MPLKIP: variants seen among roughly 807,000 people sequenced by gnomAD.
MPLKIP encodes M-phase specific PLK1 interacting protein, also known as M-phase-specific PLK1-interacting protein.
In MPLKIP, 16 loss-of-function variants were observed where a neutral mutation model predicts 16.9. The observed-to-expected ratio is 0.94, with a 90% CI of 0.64 to 1.43. MPLKIP has a LOEUF of 1.43. MPLKIP is among the 40% of genes most tolerant of loss of function. The pLI is 0.00. For synonymous variants in MPLKIP, 126 were observed against 98.4 expected, an observed-to-expected ratio of 1.28 and a Z score of -1.66; for missense variants, 282 against 237.6, an observed-to-expected ratio of 1.19 and a Z score of -1.23.
rs1444716857 is a variant in MPLKIP, at chr7:40,134,425, G to A, written c.143C>T (p.Pro48Leu). The A allele has an allele frequency of 1.3e-6, 2 of 1,565,238 alleles. No individual in the cohort carries two copies. The highest frequency in any genetic ancestry group is 2.4e-5 in the East Asian group (1 of 42,156). Residue 48 changes from proline (P) to leucine (L), a missense_variant, in exon 1 of 2, where the codon CCG becomes CTG. Transcript: ENST00000306984. ...PPSPRDGYGS[P>L]HHTPPYGPRS... is the part of the protein sequence containing the mutation. ...GGGCCCGTACGGCGGCGTGTGGTGC[G>A]GACTCCCGTACCCGTCTCGAGGGGA...
chr7:40,131,792 T>C lies in MPLKIP; in HGVS notation c.*1267A>G, dbSNP rs2150559490. The C allele has an allele frequency of 6.6e-6, 1 of 152,342 alleles. No homozygotes were observed. Among genetic ancestry groups the C allele is most frequent in the East Asian group, 1.9e-4 (1 of 5,176 alleles). The allele number at this position is 152,342 out of a possible 1,614,324, so 9.4% of individuals were successfully genotyped here. ...GGCGGACGTTGCAGTGAGCCAAGAT[T>C]GCGCCACTGCACTCCAGCGTGGGCA... On this transcript the variant is annotated 3_prime_UTR_variant, in exon 2 of 2. Coordinates refer to ENST00000306984, the MANE Select transcript of MPLKIP (RefSeq NM_138701.4).
intron 1 of MPLKIP, 124 bp downstream of exon 1, chr7:40,134,105 C>T: frequency 8.8e-7 from 1 of 1,136,554 alleles, no homozygotes; most frequent in South Asian, 1.4e-5. Flanking sequence ...GTTCGCTCAT[C>T]TGCAAAATTG....
In MPLKIP at chr7:40,133,026, A is replaced by C; in HGVS notation, c.*33T>G. On this transcript the variant is annotated 3_prime_UTR_variant, in exon 2 of 2. Coordinates refer to ENST00000306984, the MANE Select transcript of MPLKIP (RefSeq NM_138701.4). ...TAAAGTTTTGTCCAAGATGTTCCTG[A>C]CACATGAAGCTTCCAGTTGAATTTC... The C allele has an allele frequency of 2.5e-6, 4 of 1,587,446 alleles. No individual in the cohort carries two copies. The highest frequency in any genetic ancestry group is 3.5e-6 in the Non-Finnish European group (4 of 1,156,804).
chr7:40,133,393 G>A (rs1787502357), intron 1 of MPLKIP, 134 bp from the exon 2 acceptor site: 1 of 756,354 alleles, frequency 1.3e-6, no homozygotes, highest in Non-Finnish European at 2.3e-6. Context: ...CAATTACAAA[G>A]TCCATGCTTC....
Position 40,132,972 on chromosome 7 carries a change from T to G in MPLKIP, c.*87A>C. 1 of 1,167,164 alleles carries G rather than the reference T, an allele frequency of 8.6e-7. No homozygotes were observed. The highest frequency in any genetic ancestry group is 1.3e-6 in the Non-Finnish European group (1 of 792,330). The allele number at this position is 1,167,164 out of a possible 1,614,324, so 72.3% of individuals were successfully genotyped here. A position where few individuals can be genotyped will look rare whatever the true frequency, so the allele number is the denominator to read the frequency against. On this transcript the variant is annotated 3_prime_UTR_variant, in exon 2 of 2. Coordinates refer to ENST00000306984, the MANE Select transcript of MPLKIP (RefSeq NM_138701.4). Reference sequence around the variant, plus strand: ...ACTAATTATCCAATCAAAGTCATCATCTTTGGGTAAATTTATATCAACACA... The same window carrying G: ...ACTAATTATCCAATCAAAGTCATCAGCTTTGGGTAAATTTATATCAACACA...
Position 40,126,805 on chromosome 7 carries a change from C to CT in MPLKIP, c.*6253dup, listed in dbSNP as rs948645114. On this transcript the variant is annotated 3_prime_UTR_variant, in exon 2 of 2. Transcript: ENST00000306984. ...ACCCTAATTAAATAAAGCCGATTTT[C>CT]TTTTTTTTTTTTTTATTTTGAGACA... The CT allele has an allele frequency of 2.6e-3, 357 of 137,088 alleles. No homozygotes were observed. Among genetic ancestry groups the CT allele is most frequent in the Middle Eastern group, 0.012 (3 of 252 alleles). 8.5% of individuals were successfully genotyped at this position (137,088 alleles called of 1,614,324 possible). A position where few individuals can be genotyped will look rare whatever the true frequency, so the allele number is the denominator to read the frequency against.
Position 40,131,125 on chromosome 7 carries a change from G to C in MPLKIP, c.*1934C>G, listed in dbSNP as rs983259384. 6.6e-6 allele frequency: 1 copy of C among 152,080 alleles called. No individual in the cohort carries two copies. Among genetic ancestry groups the C allele is most frequent in the African/African-American group, 2.4e-5 (1 of 41,390 alleles). 9.4% of individuals were successfully genotyped at this position (152,080 alleles called of 1,614,324 possible). Reference sequence around the variant, plus strand: ...TCATCTTACACATGAGAAAATTGAGGCATAGAGAAGTGAACTCATCCAGCT... The same window carrying C: ...TCATCTTACACATGAGAAAATTGAGCCATAGAGAAGTGAACTCATCCAGCT... On this transcript the variant is annotated 3_prime_UTR_variant, in exon 2 of 2. Coordinates refer to ENST00000306984, the MANE Select transcript of MPLKIP (RefSeq NM_138701.4).
Position 40,134,296 on chromosome 7 carries a change from G to C in MPLKIP, c.272C>G (p.Ser91Cys). ...CTGCTGGGACCCCGCGGGGGACCTGGAGTAGGAGCCAGGGTAGCCGCCAGG... is the reference window on the plus strand; with the variant it reads ...CTGCTGGGACCCCGCGGGGGACCTGCAGTAGGAGCCAGGGTAGCCGCCAGG... The part of the protein sequence containing the change: ...PSPGGYPGSY[S>C]RSPAGSQQQF... Residue 91 changes from serine to cysteine, a missense_variant, in exon 1 of 2, where the codon TCC (serine) becomes TGC (cysteine). Coordinates refer to ENST00000306984, the MANE Select transcript of MPLKIP (RefSeq NM_138701.4). 6.4e-7 allele frequency: 1 copy of C among 1,559,036 alleles called. No individual in the cohort carries two copies. The highest frequency in any genetic ancestry group is 8.7e-7 in the Non-Finnish European group (1 of 1,151,554).
rs1562781273 is a variant in MPLKIP, at chr7:40,132,807, A to G, written c.*252T>C. On this transcript the variant is annotated 3_prime_UTR_variant, in exon 2 of 2. Transcript: ENST00000306984. The stretch of plus-strand genomic sequence containing the variant: ...ATTAAAAGACAAATGTCCATTATGT[A>G]ACCAGGAATGTTAAATATATGGAAA... The G allele has an allele frequency of 2.0e-6, 1 of 505,618 alleles. No homozygotes were observed. Among genetic ancestry groups the G allele is most frequent in the South Asian group, 2.1e-5 (1 of 47,170 alleles). The allele number at this position is 505,618 out of a possible 1,614,324, so 31.3% of individuals were successfully genotyped here. A position where few individuals can be genotyped will look rare whatever the true frequency, so the allele number is the denominator to read the frequency against.
intron 1 of MPLKIP, 112 bp downstream of exon 1, chr7:40,134,117 G>T: frequency 7.8e-7 from 1 of 1,280,928 alleles, no homozygotes; most frequent in Non-Finnish European, 1.1e-6. Context: ...GCAAAATTGG[G>T]CTAACAATAG....
In MPLKIP at chr7:40,134,275, T is replaced by C; in HGVS notation, c.293A>G (p.Gln98Arg). Reference sequence around the variant, plus strand: ...CCCTGGGGAGTAGCCGAATTGCTGCTGGGACCCCGCGGGGGACCTGGAGTA... The same window carrying C: ...CCCTGGGGAGTAGCCGAATTGCTGCCGGGACCCCGCGGGGGACCTGGAGTA... ...GSYSRSPAGS[Q>R]QQFGYSPGQQ... Residue 98 changes from glutamine (Q) to arginine (R), a missense_variant, in exon 1 of 2, where the codon CAG (glutamine) becomes CGG (arginine). By Grantham distance (43) the Gln-to-Arg change is conservative. Transcript: ENST00000306984. The C allele has an allele frequency of 5.8e-6, 9 of 1,561,460 alleles. No individual in the cohort carries two copies. Among genetic ancestry groups the C allele is most frequent in the Non-Finnish European group, 7.8e-6 (9 of 1,152,688 alleles).
Position 40,133,020 on chromosome 7 carries a change from T to C in MPLKIP, c.*39A>G. 1 of 1,573,752 alleles carries C rather than the reference T, an allele frequency of 6.4e-7. No individual in the cohort carries two copies. The highest frequency in any genetic ancestry group is 8.7e-7 in the Non-Finnish European group (1 of 1,144,888). On this transcript the variant is annotated 3_prime_UTR_variant, in exon 2 of 2. Coordinates refer to ENST00000306984, the MANE Select transcript of MPLKIP (RefSeq NM_138701.4). ...ACAACTTAAAGTTTTGTCCAAGATG[T>C]TCCTGACACATGAAGCTTCCAGTTG...
rs1432857594 is a variant in MPLKIP at position 40,128,111 on chromosome 7, A to G, written c.*4948T>C. 6.7e-6 allele frequency: 1 copy of G among 148,748 alleles called. No homozygotes were observed. Among genetic ancestry groups the G allele is most frequent in the Non-Finnish European group, 1.5e-5 (1 of 66,994 alleles). The allele number at this position is 148,748 out of a possible 1,614,324, so 9.2% of individuals were successfully genotyped here. A position where few individuals can be genotyped will look rare whatever the true frequency, so the allele number is the denominator to read the frequency against. ...TCAGGTGTACTGATGACTACTATGT[A>G]TTTTTTTTTTTCAGACTAGTCAAGT... On this transcript the variant is annotated 3_prime_UTR_variant, in exon 2 of 2. Transcript: ENST00000306984.
At position 40,126,676 on chromosome 7, in the gene MPLKIP, C is replaced by G. The variant is rs964303320; in HGVS notation, c.*6383G>C. 1 of 152,214 alleles carries G rather than the reference C, an allele frequency of 6.6e-6. No homozygotes were observed. Among genetic ancestry groups the G allele is most frequent in the African/African-American group, 2.4e-5 (1 of 41,436 alleles). 9.4% of individuals were successfully genotyped at this position (152,214 alleles called of 1,614,324 possible). ...ACTCCTGACCTCATGATCTGCCCGC[C>G]TCGGCCTCCCAAAGTGCTGGGATTA... On this transcript the variant is annotated 3_prime_UTR_variant, in exon 2 of 2. Coordinates refer to ENST00000306984, the MANE Select transcript of MPLKIP (RefSeq NM_138701.4).
rs1016727988 is a variant in MPLKIP at position 40,134,361 on chromosome 7, G to A, written c.207C>T (p.His69=). Residue 69 remains histidine, a synonymous_variant, in exon 1 of 2, where the codon CAC becomes CAT. Transcript: ENST00000306984. ...RPYGSSHSPR[H]GGSFPGGRFG... ...ACCGGCCCCCCGGGAAGCTGCCGCC[G>A]TGTCGCGGAGAGTGACTGCTCCCGT... is the stretch of plus-strand genomic sequence containing the variant. 3.2e-6 allele frequency: 5 copies of A among 1,554,200 alleles called. No individual in the cohort carries two copies. The Middle Eastern group carries it at 5.2e-4, about 163-fold the overall frequency.
At position 40,132,799 on chromosome 7, in the gene MPLKIP, C is replaced by T; in HGVS notation, c.*260G>A. ...GAAAAAACATTAAAAGACAAATGTCCATTATGTAACCAGGAATGTTAAATA... is the reference window on the plus strand; with the variant it reads ...GAAAAAACATTAAAAGACAAATGTCTATTATGTAACCAGGAATGTTAAATA... On this transcript the variant is annotated 3_prime_UTR_variant, in exon 2 of 2. Transcript: ENST00000306984. 3 of 476,876 alleles carry T rather than the reference C, an allele frequency of 6.3e-6. No homozygotes were observed. The highest frequency in any genetic ancestry group is 1.1e-5 in the Non-Finnish European group (3 of 263,528). 29.5% of individuals were successfully genotyped at this position (476,876 alleles called of 1,614,324 possible).
In MPLKIP at chr7:40,132,308, TGA is replaced by T. The variant is rs1425857560; in HGVS notation, c.*749_*750del. ...TTGTCTTCTCTTGGATTGATGGAGA[TGA>T]GAGATGTTCTTTTTGCAATGGAAGT... On this transcript the variant is annotated 3_prime_UTR_variant, in exon 2 of 2. Transcript: ENST00000306984. 5 of 152,236 alleles carry T rather than the reference TGA, an allele frequency of 3.3e-5. No individual in the cohort carries two copies. Among genetic ancestry groups the T allele is most frequent in the Admixed American group, 3.3e-4 (5 of 15,276 alleles). The allele number at this position is 152,236 out of a possible 1,614,324, so 9.4% of individuals were successfully genotyped here.
In MPLKIP at chr7:40,132,829, G is replaced by T; in HGVS notation, c.*230C>A. ...TGTAACCAGGAATGTTAAATATATG[G>T]AAACGGTAAATCTCTAAAATGTGGT... On this transcript the variant is annotated 3_prime_UTR_variant, in exon 2 of 2. Transcript: ENST00000306984. The T allele has an allele frequency of 1.8e-6, 1 of 542,394 alleles. No individual in the cohort carries two copies. Among genetic ancestry groups the T allele is most frequent in the Non-Finnish European group, 3.3e-6 (1 of 303,366 alleles). The allele number at this position is 542,394 out of a possible 1,614,324, so 33.6% of individuals were successfully genotyped here. A position where few individuals can be genotyped will look rare whatever the true frequency, so the allele number is the denominator to read the frequency against.
In MPLKIP at chr7:40,134,557, T is replaced by C; in HGVS notation, c.11A>G (p.Gln4Arg). 1 of 1,590,960 alleles carries C rather than the reference T, an allele frequency of 6.3e-7. No homozygotes were observed. The highest frequency in any genetic ancestry group is 8.5e-7 in the Non-Finnish European group (1 of 1,171,090). The change falls in exon 1 of 2, where the codon CAG becomes CGG. Residue 4 changes from glutamine (Q) to arginine (R), a missense_variant. Coordinates refer to ENST00000306984, the MANE Select transcript of MPLKIP (RefSeq NM_138701.4). ...AGGAGGAGTTGGGGGCCGAAAATTC[T>C]GTCGCTGCATATCAGGAGCCAAAGC... The part of the protein sequence containing the change: MQR[Q>R]NFRPPTPPYP...
Sources: allele counts gnomAD v4.1 joint callset, GRCh38; gene constraint gnomAD v4.1.1; transcripts MANE v1.5; gene names NCBI Gene and HGNC (gene_info 2026-07-23, HGNC 2026-07-21).